The following PLCB1 variants were observed in gnomAD, a reference collection of about 807,000 sequenced individuals.
The protein encoded by PLCB1 is 1-phosphatidylinositol 4,5-bisphosphate phosphodiesterase beta-1.
In PLCB1, 46 loss-of-function variants were observed where a neutral mutation model predicts 161.8. That is an observed-to-expected ratio of 0.28 (90% CI 0.22 to 0.36). The LOEUF is 0.36. PLCB1 is among the 10% of genes least tolerant of loss of function. The pLI, the probability that PLCB1 is intolerant of heterozygous loss-of-function variation, is 1.00. For missense variants in PLCB1, 1,016 were observed against 1,472.5 expected (o/e 0.69, Z 5.07); for synonymous variants, 517 against 503.7 (o/e 1.03, Z -0.35).
intron 3 of PLCB1, among the ~76,000 whole-genome samples, chr20:8,385,370 T>C (rs708923): frequency 0.54 from 82,457 of 152,094 alleles, 22,959 homozygotes; most frequent in African/African-American, 0.67. Flanking sequence ...TGCCCAGCCT[T>C]CCTGGCCCCA....
intron 2 of PLCB1, among the ~76,000 whole-genome samples, chr20:8,166,830 AT>A (rs1216828327): frequency 6.6e-6 from 1 of 151,808 alleles, no homozygotes; most frequent in Non-Finnish European, 1.5e-5. Context: ...TTCTGCTGAA[AT>A]TTTTCACAAT....
chr20:8,630,426 C>A (rs1411482147), intron 4 of PLCB1, among the ~76,000 whole-genome samples: 2 of 152,118 alleles, frequency 1.3e-5, no homozygotes, highest in East Asian at 3.9e-4. Context: ...TTTTAATATT[C>A]TAATGTCTTT....
chr20:8,193,276 T>TCCAG, intron 2 of PLCB1, among the ~76,000 whole-genome samples: 1 of 152,014 alleles, frequency 6.6e-6, no homozygotes, highest in Non-Finnish European at 1.5e-5. Flanking sequence ...CTGTAATGTA[T>TCCAG]CTTACGGAAT....
intron 3 of PLCB1, among the ~76,000 whole-genome samples, chr20:8,524,561 C>A (rs561389226): frequency 3.3e-5 from 5 of 152,098 alleles, no homozygotes; most frequent in African/African-American, 1.2e-4. Context: ...TTTCTTTTTC[C>A]TTTTTTAAGC....
chr20:8,651,553 A>G, intron 7 of PLCB1: 2 of 714,506 alleles, frequency 2.8e-6, no homozygotes, highest in Non-Finnish European at 5.2e-6. Context: ...GCTTTGGAAT[A>G]GGAAAAATAT....
chr20:8,678,243 A>G (rs552378381), intron 9 of PLCB1, among the ~76,000 whole-genome samples: 1 of 152,354 alleles, frequency 6.6e-6, no homozygotes, highest in African/African-American at 2.4e-5. Flanking sequence ...CACACTGTGT[A>G]GTCATGATAA....
In PLCB1 at chr20:8,727,520, A is replaced by G; in HGVS notation, c.1763+127A>G. On this transcript the variant is annotated intron_variant, in intron 17 of 31. Coordinates refer to ENST00000338037, the MANE Select transcript of PLCB1 (RefSeq NM_015192.4). ...TTAAGTATATAGCCTGGGGCGGATA[A>G]ATAGTTTCAGGTATCATATACAATG... 1.4e-5 allele frequency: 8 copies of G among 561,304 alleles called. No individual in the cohort carries two copies. In the South Asian group the frequency reaches 2.1e-4, roughly 14 times the overall value. The allele number at this position is 561,304 out of a possible 1,614,324, so 34.8% of individuals were successfully genotyped here.
intron 3 of PLCB1, among the ~76,000 whole-genome samples, chr20:8,564,635 A>C (rs1986261660): frequency 6.6e-6 from 1 of 152,194 alleles, no homozygotes; most frequent in African/African-American, 2.4e-5. Context: ...AAGCAAATTT[A>C]CAAGAAAAAA....
At chr20:8,733,169 T>A in intron 18 of PLCB1, 69 bp from the exon 19 acceptor site, 1 of 1,509,678 alleles carries the variant, frequency 6.6e-7, no homozygotes, top group Non-Finnish European at 9.2e-7. Flanking sequence ...TCAACTTTAC[T>A]TTACAATCTT....
intron 9 of PLCB1, among the ~76,000 whole-genome samples, chr20:8,672,602 A>G (rs1989975212): frequency 6.6e-6 from 1 of 152,100 alleles, no homozygotes; most frequent in African/African-American, 2.4e-5. Context: ...CGAGCAGGGA[A>G]GAGCCTCAGT....
intron 25 of PLCB1, among the ~76,000 whole-genome samples, chr20:8,763,277 T>A (rs1049552036): frequency 1.3e-5 from 2 of 152,204 alleles, no homozygotes; most frequent in Admixed American, 1.3e-4. Flanking sequence ...TCGCGGCTCA[T>A]TGAAACCTCC....
chr20:8,145,507 C>G (rs2051444711), intron 1 of PLCB1, among the ~76,000 whole-genome samples: 1 of 152,142 alleles, frequency 6.6e-6, no homozygotes. Context: ...CATGACAGCT[C>G]TAGTTAGATA....
At chr20:8,519,506 G>T (rs1984265883) in intron 3 of PLCB1, among the ~76,000 whole-genome samples, 1 of 152,112 alleles carries the variant, frequency 6.6e-6, no homozygotes, top group African/African-American at 2.4e-5. Flanking sequence ...TCTTCATCCT[G>T]CCTGCTCTCT....
chr20:8,350,369 T>G (rs1986144081), intron 2 of PLCB1, among the ~76,000 whole-genome samples: 2 of 152,182 alleles, frequency 1.3e-5, no homozygotes, highest in Non-Finnish European at 2.9e-5. Flanking sequence ...TGGGTTAGTT[T>G]ACGGAGGATA....
At chr20:8,139,745 T>C (rs2123010397) in intron 1 of PLCB1, among the ~76,000 whole-genome samples, 1 of 152,286 alleles carries the variant, frequency 6.6e-6, no homozygotes, top group South Asian at 2.1e-4. Flanking sequence ...AAGATGCCAA[T>C]CATGATCCTC....
intron 2 of PLCB1, among the ~76,000 whole-genome samples, chr20:8,172,011 T>C (rs1025567089): frequency 1.3e-5 from 2 of 152,158 alleles, no homozygotes; most frequent in African/African-American, 4.8e-5. Context: ...TTTTCAGTTA[T>C]GTCCTTTCCC....
intron 7 of PLCB1, chr20:8,649,715 C>T (rs1189630330): frequency 6.3e-6 from 3 of 477,454 alleles, no homozygotes; most frequent in African/African-American, 3.8e-5. Context: ...TGGAGAGTCC[C>T]CACTAGCAAG....
chr20:8,527,298 TA>T (rs1414772073), intron 3 of PLCB1, among the ~76,000 whole-genome samples: 3 of 152,122 alleles, frequency 2.0e-5, no homozygotes, highest in African/African-American at 7.2e-5. Flanking sequence ...TTATTTTTGT[TA>T]AATATGCTTC....
At chr20:8,150,940 T>C (rs1488572663) in intron 2 of PLCB1, among the ~76,000 whole-genome samples, 1 of 152,202 alleles carries the variant, frequency 6.6e-6, no homozygotes, top group Non-Finnish European at 1.5e-5. Context: ...ATGAATTTAT[T>C]ATCTCATTTG....
Sources: allele counts gnomAD v4.1 joint callset (sites outside exome capture counted in the v4.1 genomes callset), GRCh38; gene constraint gnomAD v4.1.1; transcripts MANE v1.5; gene names NCBI Gene and HGNC (gene_info 2026-07-23, HGNC 2026-07-21).